ADGRB1: variants seen among roughly 807,000 people sequenced by gnomAD.
ADGRB1 encodes brain-specific angiogenesis inhibitor 1.
Under a neutral mutation model 175.7 loss-of-function variants are expected in ADGRB1, and 36 were observed. The observed-to-expected ratio is 0.20, with a 90% CI of 0.16 to 0.27. The LOEUF (loss-of-function observed/expected upper bound fraction) is 0.27. Among genes scored for constraint, ADGRB1 ranks in the 10% least tolerant of loss-of-function variants. The pLI is 1.00. For missense variants in ADGRB1, 1,731 were observed against 2,255.3 expected, an observed-to-expected ratio of 0.77 and a Z score of 4.71; for synonymous variants, 1,054 against 979.4, an observed-to-expected ratio of 1.08 and a Z score of -1.42.
At chr8:142,530,144 T>G (rs1369227543) in intron 24 of ADGRB1, among the ~76,000 whole-genome samples, 5 of 152,064 alleles carry the variant, frequency 3.3e-5, no homozygotes, top group African/African-American at 4.8e-5. Context: ...TGTATATAAT[T>G]GGGCATGTGC....
rs535574140 is a variant in ADGRB1 at position 142,492,481 on chromosome 8, C to T, written c.2675+1666C>T. On this transcript the variant is annotated intron_variant, in intron 17 of 30. Coordinates refer to ENST00000517894, the MANE Select transcript of ADGRB1 (RefSeq NM_001702.3). This position sits in a 1 kb window ranked among gnomAD's most constrained non-coding sequence, Gnocchi z 4.4. ...TTGCAAGCAGGGTCATGCACGCCTC[C>T]GAGGGAAGGGGAGGTTTCGGCAGAG... Among the ~76,000 whole-genome samples, 5 of 152,224 alleles carry T rather than the reference C, an allele frequency of 3.3e-5. No individual in the cohort carries two copies. The highest frequency in any genetic ancestry group is 9.6e-5 in the African/African-American group (4 of 41,530).
intron 4 of ADGRB1, 144 bp downstream of exon 4, chr8:142,476,839 C>A: frequency 1.0e-6 from 1 of 999,162 alleles, no homozygotes; most frequent in Non-Finnish European, 1.4e-6. Flanking sequence ...TGTCTCCTGA[C>A]TGCCTGGCAT....
Position 142,542,463 on chromosome 8 carries a change from AGCCCCCACCGCCTCC to A in ADGRB1, c.4242_4256del (p.Pro1418_Pro1422del), listed in dbSNP as rs1317922078. 17 of 745,306 alleles carry A rather than the reference AGCCCCCACCGCCTCC, an allele frequency of 2.3e-5. No homozygotes were observed. In the African/African-American group the frequency reaches 2.6e-4, roughly 11 times the overall value. The allele number at this position is 745,306 out of a possible 1,614,324, so 46.2% of individuals were successfully genotyped here. On this transcript the variant is annotated inframe_deletion, in exon 28 of 31. Coordinates refer to ENST00000517894, the MANE Select transcript of ADGRB1 (RefSeq NM_001702.3). The surrounding 1 kb of genome is among the most constrained non-coding windows in gnomAD (Gnocchi z 6.3). ...GGGCCCCCCGAGGCACCCCCTGCCC[AGCCCCCACCGCCTCC>A]GCCCCCACCGCCACCACCTCCCCAG...
In ADGRB1 at chr8:142,510,918, C is replaced by CCGCCCGCCCCCAGACCCTCCT; in HGVS notation, c.2676-12_2684dup. 1.1e-6 allele frequency: 1 copy of CCGCCCGCCCCCAGACCCTCCT among 933,572 alleles called. No individual in the cohort carries two copies. Among genetic ancestry groups the CCGCCCGCCCCCAGACCCTCCT allele is most frequent in the Non-Finnish European group, 1.3e-6 (1 of 755,902 alleles). 57.8% of individuals were successfully genotyped at this position (933,572 alleles called of 1,614,324 possible). A position where few individuals can be genotyped will look rare whatever the true frequency, so the allele number is the denominator to read the frequency against. Reference sequence around the variant, plus strand: ...GCTCCGCCTGTCTCCCTCCCGTGTCCCGCCCGCCCCCAGACCCTCCTCCTC... The same window carrying CCGCCCGCCCCCAGACCCTCCT: ...GCTCCGCCTGTCTCCCTCCCGTGTCCCGCCCGCCCCCAGACCCTCCTCGCCCGCCCCCAGACCCTCCTCCTC... On this transcript the variant is annotated splice_polypyrimidine_tract_variant and intron_variant, in intron 17 of 30. Coordinates refer to ENST00000517894, the MANE Select transcript of ADGRB1 (RefSeq NM_001702.3). This position sits in a 1 kb window ranked among gnomAD's most constrained non-coding sequence, Gnocchi z 6.3.
chr8:142,472,075 C>T (rs766859448), intron 2 of ADGRB1, among the ~76,000 whole-genome samples: 4 of 152,196 alleles, frequency 2.6e-5, no homozygotes, highest in Non-Finnish European at 2.9e-5. Flanking sequence ...CTGCTGGAGT[C>T]GGGAGACCTC....
At chr8:142,522,753 C>T (rs1464038613) in intron 22 of ADGRB1, 43 bp downstream of exon 22, 4 of 1,442,366 alleles carry the variant, frequency 2.8e-6, no homozygotes, top group Non-Finnish European at 2.7e-6. Flanking sequence ...CCACATGGCC[C>T]CCCAGAGACT....
chr8:142,474,251 G>A lies in ADGRB1; in HGVS notation c.785-1223G>A, dbSNP rs1175268191. Among the ~76,000 whole-genome samples the A allele has an allele frequency of 4.6e-5, 7 of 152,222 alleles. No homozygotes were observed. Among genetic ancestry groups the A allele is most frequent in the African/African-American group, 1.4e-4 (6 of 41,544 alleles). ...GTGGCCTGTGCTTGGCCTGATTGCT[G>A]CCCCTGGGGCCTCCCCTGCTGTACC... On this transcript the variant is annotated intron_variant, in intron 2 of 30. Transcript: ENST00000517894. This position sits in a 1 kb window ranked among gnomAD's most constrained non-coding sequence, Gnocchi z 5.8.
rs534830387 is a variant in ADGRB1 at position 142,504,410 on chromosome 8, G to T, written c.2676-6522G>T. 6.6e-6 allele frequency among the ~76,000 whole-genome samples: 1 copy of T among 152,256 alleles called. No individual in the cohort carries two copies. Among genetic ancestry groups the T allele is most frequent in the African/African-American group, 2.4e-5 (1 of 41,566 alleles). ...CTGCTGGGCTGGCCTGTGCAGGCAG[G>T]GCCACCAGGGGCAGGCCCACCAGAG... On this transcript the variant is annotated intron_variant, in intron 17 of 30. Transcript: ENST00000517894. This position sits in a 1 kb window ranked among gnomAD's most constrained non-coding sequence, Gnocchi z 5.6.
At chr8:142,539,693 G>T in intron 27 of ADGRB1, 11 of 559,164 alleles carry the variant, frequency 2.0e-5, no homozygotes, top group Admixed American at 3.2e-5. Flanking sequence ...GCAGGTGCCT[G>T]TGGAGCGCCT....
In ADGRB1 at chr8:142,493,200, G is replaced by A. The variant is rs960658310; in HGVS notation, c.2675+2385G>A. On this transcript the variant is annotated intron_variant, in intron 17 of 30. Transcript: ENST00000517894. The surrounding 1 kb of genome is among the most constrained non-coding windows in gnomAD (Gnocchi z 5.0). ...CCTTTGTCCTCCAGGGCAGCAGGCT[G>A]TGAGGGGCCTGTCCAGTGAGCCGGG... Among the ~76,000 whole-genome samples, 2 of 152,084 alleles carry A rather than the reference G, an allele frequency of 1.3e-5. No individual in the cohort carries two copies. Among genetic ancestry groups the A allele is most frequent in the African/African-American group, 4.8e-5 (2 of 41,424 alleles).
chr8:142,458,091 G>A (rs1163843950), intron 1 of ADGRB1, among the ~76,000 whole-genome samples: 2 of 151,158 alleles, frequency 1.3e-5, no homozygotes, highest in Non-Finnish European at 3.0e-5. Context: ...TGTGGCTGGT[G>A]TCTGGGGATG....
At chr8:142,544,193 C>T (rs1221202109) in intron 30 of ADGRB1, 27 bp from the exon 31 acceptor site, 4 of 1,546,862 alleles carry the variant, frequency 2.6e-6, no homozygotes, top group East Asian at 2.4e-5. Flanking sequence ...GGGCCCCACC[C>T]CTCCTGCACC....
intron 2 of ADGRB1, among the ~76,000 whole-genome samples, chr8:142,467,657 A>G (rs1840354529): frequency 1.3e-5 from 2 of 152,172 alleles, no homozygotes; most frequent in South Asian, 4.1e-4. Flanking sequence ...GGGTGGGGCA[A>G]TGGATGCTTG....
intron 18 of ADGRB1, among the ~76,000 whole-genome samples, chr8:142,514,125 G>C (rs113231965): frequency 1.3e-5 from 2 of 152,064 alleles, no homozygotes; most frequent in Non-Finnish European, 2.9e-5. Flanking sequence ...GGATGGACAC[G>C]TTGGGTGTGG....
chr8:142,452,843 C>T (rs1011936004), intron 1 of ADGRB1, among the ~76,000 whole-genome samples: 3 of 151,198 alleles, frequency 2.0e-5, no homozygotes, highest in African/African-American at 7.3e-5. Context: ...CGCGGGGCTC[C>T]AGGCCCAGGC....
chr8:142,466,629 A>T (rs938961537), intron 2 of ADGRB1, among the ~76,000 whole-genome samples: 1 of 152,198 alleles, frequency 6.6e-6, no homozygotes, highest in Non-Finnish European at 1.5e-5. Context: ...CCAAGCCCCC[A>T]CCAGGCAGAG....
rs142947883 is a variant in ADGRB1 at position 142,489,689 on chromosome 8, T to G, written c.2631+251T>G. 4.3e-4 allele frequency among the ~76,000 whole-genome samples: 65 copies of G among 152,256 alleles called. 1 individual carries two copies. In the East Asian group the frequency reaches 0.011, roughly 25 times the overall value. ...CTCCCCACCTGGGCTCCAACCACTC[T>G]GCCCTCCAGCCCCCATTGGCCTGGT... is the stretch of plus-strand genomic sequence containing the variant. On this transcript the variant is annotated intron_variant, in intron 16 of 30. Coordinates refer to ENST00000517894, the MANE Select transcript of ADGRB1 (RefSeq NM_001702.3).
At chr8:142,534,027 C>T (rs1844785006) in intron 25 of ADGRB1, among the ~76,000 whole-genome samples, 1 of 152,236 alleles carries the variant, frequency 6.6e-6, no homozygotes, top group Non-Finnish European at 1.5e-5. Flanking sequence ...GCGGGGCGGC[C>T]ACCTCCCCCT....
chr8:142,488,556 C>G (rs1427417387), intron 14 of ADGRB1, 49 bp downstream of exon 14: 2 of 1,599,558 alleles, frequency 1.3e-6, no homozygotes, highest in Non-Finnish European at 1.7e-6. Context: ...GACGTGGGCC[C>G]CAGAGTCGGA....
Sources: gnomAD v4.1 joint callset for allele counts (sites outside exome capture counted in the v4.1 genomes callset) on GRCh38, gnomAD v4.1.1 for gene constraint, Gnocchi (gnomAD v3.1) non-coding constraint, MANE v1.5 for transcripts, NCBI Gene and HGNC (gene_info 2026-07-23, HGNC 2026-07-21) for gene names.